Variants in PTPRD observed in about 807,000 individuals in gnomAD.
The protein encoded by PTPRD is receptor-type tyrosine-protein phosphatase delta.
In PTPRD, 34 loss-of-function variants were observed where a neutral mutation model predicts 214.5. The ratio of observed to expected loss-of-function variants is 0.16; its 90% CI spans 0.12 to 0.21. The LOEUF is 0.21. Ranked by LOEUF, PTPRD falls within the 10% of genes least tolerant of loss-of-function variation. The pLI, the probability that PTPRD is intolerant of heterozygous loss-of-function variation, is 1.00. For synonymous variants in PTPRD, 1,128 were observed against 845.7 expected, an observed-to-expected ratio of 1.33 and a Z score of -5.79; for missense variants, 2,545 against 2,398.7, an observed-to-expected ratio of 1.06 and a Z score of -1.27.
At position 10,479,660 on chromosome 9, in the gene PTPRD, A is replaced by AATAAATAAATAAATAAAT. The variant is rs763212006; in HGVS notation, c.-600+132737_-600+132738insATTTATTTATTTATTTAT. On this transcript the variant is annotated intron_variant, in intron 2 of 45. Coordinates refer to ENST00000381196, the MANE Select transcript of PTPRD (RefSeq NM_002839.4). Reference sequence around the variant, plus strand: ...AAATAAATAAATAAATAAATAAATAAACAAAAATACAAAAATTTGCCAAGC... The same window carrying AATAAATAAATAAATAAAT: ...AAATAAATAAATAAATAAATAAATAAATAAATAAATAAATAAATACAAAAATACAAAAATTTGCCAAGC... Among the ~76,000 whole-genome samples, 471 of 90,996 alleles carry AATAAATAAATAAATAAAT rather than the reference A, an allele frequency of 5.2e-3. 1 individual carries two copies. The highest frequency in any genetic ancestry group is 0.011 in the African/African-American group (335 of 29,534). The allele number at this position is 90,996 out of a possible 152,430, so 59.7% of individuals were successfully genotyped here. A position where few individuals can be genotyped will look rare whatever the true frequency, so the allele number is the denominator to read the frequency against.
chr9:9,784,257 C>G (rs931103729), intron 5 of PTPRD, among the ~76,000 whole-genome samples: 2 of 151,872 alleles, frequency 1.3e-5, no homozygotes, highest in African/African-American at 4.8e-5. Flanking sequence ...GATATTCTTC[C>G]CAACTGCAAA....
At chr9:8,794,564 C>A (rs765802) in intron 11 of PTPRD, among the ~76,000 whole-genome samples, 1 of 148,986 alleles carries the variant, frequency 6.7e-6, no homozygotes, top group Non-Finnish European at 1.5e-5. Context: ...GGCTGGACTC[C>A]AACTCTTGGG....
At chr9:10,512,053 T>G (rs1274497333) in intron 2 of PTPRD, among the ~76,000 whole-genome samples, 2 of 142,966 alleles carry the variant, frequency 1.4e-5, no homozygotes, top group African/African-American at 2.7e-5. Context: ...TACACACACG[T>G]ATATATATAT....
intron 2 of PTPRD, among the ~76,000 whole-genome samples, chr9:10,422,527 C>T (rs1259335263): frequency 1.3e-5 from 2 of 151,942 alleles, no homozygotes; most frequent in Admixed American, 1.3e-4. Context: ...AGGCAACCTA[C>T]AGAATGGGAG....
intron 14 of PTPRD, among the ~76,000 whole-genome samples, chr9:8,565,355 A>C (rs765555877): frequency 6.6e-6 from 1 of 152,198 alleles, no homozygotes; most frequent in African/African-American, 2.4e-5. Context: ...TGTGAGAACC[A>C]TATTTGGTTG....
intron 14 of PTPRD, among the ~76,000 whole-genome samples, chr9:8,557,435 C>CATATATATAT (rs34006120): frequency 2.2e-5 from 3 of 133,638 alleles, no homozygotes; most frequent in East Asian, 2.1e-4. Flanking sequence ...TTTGTAAATA[C>CATATATATAT]ATATATATAT....
chr9:9,093,669 C>G lies in PTPRD; in HGVS notation c.-142-74934G>C, dbSNP rs529903516. Among the ~76,000 whole-genome samples, 817 of 148,946 alleles carry G rather than the reference C, an allele frequency of 5.5e-3. 7 individuals carry two copies. The highest frequency in any genetic ancestry group is 0.019 in the African/African-American group (772 of 40,558). ...AAAACACAACCTGTTAAAATTTGGG[C>G]GGGGGGGCGGATGTAGCTAAACAGG... is the stretch of plus-strand genomic sequence containing the variant. On this transcript the variant is annotated intron_variant, in intron 10 of 45. Coordinates refer to ENST00000381196, the MANE Select transcript of PTPRD (RefSeq NM_002839.4).
At chr9:9,180,022 G>C (rs948087423) in intron 10 of PTPRD, among the ~76,000 whole-genome samples, 2 of 152,022 alleles carry the variant, frequency 1.3e-5, no homozygotes, top group African/African-American at 4.8e-5. Context: ...TTATTGGCAA[G>C]AGTGAAAAGT....
At chr9:9,415,091 G>A (rs1444722388) in intron 8 of PTPRD, among the ~76,000 whole-genome samples, 1 of 152,152 alleles carries the variant, frequency 6.6e-6, no homozygotes, top group Non-Finnish European at 1.5e-5. Context: ...GTGTAATTAT[G>A]TAGTCAGTCT....
At chr9:9,427,483 C>T (rs1207251683) in intron 8 of PTPRD, among the ~76,000 whole-genome samples, 2 of 152,142 alleles carry the variant, frequency 1.3e-5, no homozygotes, top group African/African-American at 2.4e-5. Flanking sequence ...AGTTGGAAAA[C>T]ACTCTTCAGG....
intron 14 of PTPRD, among the ~76,000 whole-genome samples, chr9:8,572,560 G>T (rs1251872111): frequency 6.6e-6 from 1 of 151,744 alleles, no homozygotes; most frequent in Non-Finnish European, 1.5e-5. Flanking sequence ...GAAGAGTAAT[G>T]GTCTAAAGCT....
At chr9:8,830,459 G>C (rs1047877870) in intron 11 of PTPRD, among the ~76,000 whole-genome samples, 1 of 152,104 alleles carries the variant, frequency 6.6e-6, no homozygotes, top group South Asian at 2.1e-4. Flanking sequence ...AGAAACAAGA[G>C]GGTAAACAAG....
At chr9:9,934,588 C>CT (rs994004811) in intron 5 of PTPRD, among the ~76,000 whole-genome samples, 21 of 151,426 alleles carry the variant, frequency 1.4e-4, no homozygotes, top group African/African-American at 4.9e-4. Context: ...TAATCAATAG[C>CT]TTACCAACCA....
At chr9:10,297,134 A>T (rs1055389349) in intron 3 of PTPRD, among the ~76,000 whole-genome samples, 8 of 147,512 alleles carry the variant, frequency 5.4e-5, no homozygotes, top group African/African-American at 1.2e-4. Context: ...ATATATATAT[A>T]TTTTTATTAT....
intron 2 of PTPRD, among the ~76,000 whole-genome samples, chr9:10,343,155 G>A (rs2096976863): frequency 6.6e-6 from 1 of 150,778 alleles, no homozygotes; most frequent in Non-Finnish European, 1.5e-5. Context: ...AGGCCCTGTT[G>A]TGTGATGTTC....
At chr9:8,774,527 C>CTTTTTTTTTTTTTTTT (rs564318443) in intron 11 of PTPRD, among the ~76,000 whole-genome samples, 2 of 105,226 alleles carry the variant, frequency 1.9e-5, no homozygotes, top group Admixed American at 1.2e-4. Context: ...TGAAAAGTAA[C>CTTTTTTTTTTTTTTTT]TTTTTTTTTT....
At chr9:9,395,892 C>A (rs1315593730) in intron 9 of PTPRD, among the ~76,000 whole-genome samples, 1 of 152,154 alleles carries the variant, frequency 6.6e-6, no homozygotes, top group East Asian at 1.9e-4. Context: ...ATTGTTGTTG[C>A]TTTTTGTAAT....
intron 3 of PTPRD, among the ~76,000 whole-genome samples, chr9:10,228,798 A>C (rs2099597957): frequency 6.7e-6 from 1 of 150,138 alleles, no homozygotes; most frequent in Non-Finnish European, 1.5e-5. Context: ...ATTATATATT[A>C]TTTATATGTA....
At chr9:8,860,086 A>G (rs1357636398) in intron 11 of PTPRD, 1 of 152,186 alleles carries the variant, frequency 6.6e-6, no homozygotes, top group African/African-American at 2.4e-5. Context: ...TCATTGCCAC[A>G]TGTGCCCCCA....
Sources: allele counts gnomAD v4.1 joint callset (sites outside exome capture counted in the v4.1 genomes callset), GRCh38; gene constraint gnomAD v4.1.1; transcripts MANE v1.5; gene names NCBI Gene and HGNC (gene_info 2026-07-23, HGNC 2026-07-21).